SLC7A6: variants seen among roughly 807,000 people sequenced by gnomAD.
SLC7A6 encodes solute carrier family 7 member 6.
In SLC7A6, 29 loss-of-function variants were observed where a neutral mutation model predicts 46.6. The observed-to-expected ratio is 0.62, with a 90% CI of 0.46 to 0.85. The LOEUF is 0.85. Among genes scored for constraint, SLC7A6 ranks in the 40% least tolerant of loss-of-function variants. The pLI, the probability that SLC7A6 is intolerant of heterozygous loss-of-function variation, is 0.00. For missense variants in SLC7A6, 527 were observed against 647.6 expected (o/e 0.81, Z 2.02); for synonymous variants, 276 against 257.3 (o/e 1.07, Z -0.70).
chr16:68,287,221 A>G (rs993512414), intron 3 of SLC7A6: 45 of 842,644 alleles, frequency 5.3e-5, no homozygotes, highest in Non-Finnish European at 7.0e-5. Flanking sequence ...CACATGATCC[A>G]TCTGCCTCAG....
intron 2 of SLC7A6, among the ~76,000 whole-genome samples, chr16:68,268,875 C>T (rs868424534): frequency 6.6e-5 from 10 of 151,994 alleles, no homozygotes; most frequent in African/African-American, 9.7e-5. Flanking sequence ...GGTGTGGTGG[C>T]GCATGCCTGT....
intron 3 of SLC7A6, among the ~76,000 whole-genome samples, chr16:68,277,120 T>C (rs1033133697): frequency 7.9e-5 from 12 of 151,740 alleles, no homozygotes; most frequent in African/African-American, 2.9e-4. Context: ...AGAGTCTTGC[T>C]CTGTCACCCA....
In SLC7A6 at chr16:68,298,185, A is replaced by G. The variant is rs143991054; in HGVS notation, c.*857A>G. On this transcript the variant is annotated 3_prime_UTR_variant, in exon 11 of 11. Coordinates refer to ENST00000219343, the MANE Select transcript of SLC7A6 (RefSeq NM_003983.6). Reference sequence around the variant, plus strand: ...TCTGTTAATATTGCTGTTTTGAAGGACAATCCTTTATTTTACTTGAGACCT... The same window carrying G: ...TCTGTTAATATTGCTGTTTTGAAGGGCAATCCTTTATTTTACTTGAGACCT... The G allele has an allele frequency of 6.5e-6, 1 of 152,764 alleles. No individual in the cohort carries two copies. The highest frequency in any genetic ancestry group is 1.9e-4 in the East Asian group (1 of 5,190). 9.5% of individuals were successfully genotyped at this position (152,764 alleles called of 1,614,324 possible).
At chr16:68,271,796 G>C (rs2151214943) in intron 2 of SLC7A6, among the ~76,000 whole-genome samples, 1 of 151,070 alleles carries the variant, frequency 6.6e-6, no homozygotes, top group Non-Finnish European at 1.5e-5. Context: ...GATAACAATT[G>C]CATTTTTCTT....
intron 7 of SLC7A6, among the ~76,000 whole-genome samples, chr16:68,293,317 G>A (rs1279036199): frequency 5.9e-5 from 9 of 152,180 alleles, no homozygotes; most frequent in Admixed American, 6.5e-5. Context: ...CCAGCCGCTC[G>A]GGAGGGTGAG....
chr16:68,301,574 T>C lies in SLC7A6; in HGVS notation c.*4246T>C. ...CTTTTTTTTTTAAAGAAGGAATCAC[T>C]TTCCTATCATCTAAACCAAGTTCCT... On this transcript the variant is annotated 3_prime_UTR_variant, in exon 11 of 11. Transcript: ENST00000219343. The C allele has an allele frequency of 1.9e-6, 1 of 527,798 alleles. No individual in the cohort carries two copies. The highest frequency in any genetic ancestry group is 3.2e-6 in the Non-Finnish European group (1 of 314,956). The allele number at this position is 527,798 out of a possible 1,614,324, so 32.7% of individuals were successfully genotyped here. A position where few individuals can be genotyped will look rare whatever the true frequency, so the allele number is the denominator to read the frequency against.
chr16:68,280,094 T>C (rs1341223699), intron 3 of SLC7A6, among the ~76,000 whole-genome samples: 1 of 152,108 alleles, frequency 6.6e-6, no homozygotes, highest in East Asian at 1.9e-4. Context: ...ATATGCTGAG[T>C]CTCCTTGAGT....
At chr16:68,268,960 T>G (rs1392783107) in intron 2 of SLC7A6, among the ~76,000 whole-genome samples, 2 of 151,674 alleles carry the variant, frequency 1.3e-5, no homozygotes, top group Non-Finnish European at 2.9e-5. Context: ...TGAGCCAAGA[T>G]CGCGTCATTG....
chr16:68,280,583 CT>C (rs1476866396), intron 3 of SLC7A6, among the ~76,000 whole-genome samples: 10 of 90,692 alleles, frequency 1.1e-4, no homozygotes, highest in Admixed American at 9.8e-4. Flanking sequence ...GTCGTAGCTT[CT>C]TTAAAAAAAA....
chr16:68,276,409 T>C (rs4783552), intron 3 of SLC7A6, among the ~76,000 whole-genome samples: 104,736 of 152,186 alleles, frequency 0.69, 36,901 homozygotes, highest in African/African-American at 0.85. Flanking sequence ...TCCACATCTC[T>C]GCTTGCAAAA....
intron 3 of SLC7A6, chr16:68,287,545 G>T: frequency 6.9e-7 from 1 of 1,440,430 alleles, no homozygotes. Flanking sequence ...TTGAGCACCA[G>T]TAGTGATGGA....
At chr16:68,287,002 T>G (rs1036439779) in intron 3 of SLC7A6, among the ~76,000 whole-genome samples, 1 of 151,502 alleles carries the variant, frequency 6.6e-6, no homozygotes, top group Non-Finnish European at 1.5e-5. Flanking sequence ...CTTTTTTTTT[T>G]TTTTTTGAGA....
chr16:68,296,445 G>T lies in SLC7A6; in HGVS notation c.1201G>T (p.Val401Leu). Residue 401 changes from valine (V) to leucine (L), a missense_variant, in exon 9 of 11, where the codon GTG (valine) becomes TTG (leucine). By Grantham distance (32) the Val-to-Leu change is conservative (BLOSUM62 1). Transcript: ENST00000219343. ...CTTCAGCTTCAGCTACTGGTTCTTC[G>T]TGGGCCTGTCTGTTGTTGGACAGCT... Reference protein sequence around the residue: ...NYFSFSYWFFVGLSVVGQLYL... With the variant: ...NYFSFSYWFFLGLSVVGQLYL... 1 of 1,614,064 alleles carries T rather than the reference G, an allele frequency of 6.2e-7. No homozygotes were observed. The highest frequency in any genetic ancestry group is 8.5e-7 in the Non-Finnish European group (1 of 1,180,022).
intron 4 of SLC7A6, chr16:68,290,063 A>G (rs1675781322): frequency 8.7e-6 from 2 of 228,582 alleles, no homozygotes; most frequent in South Asian, 1.3e-4. Flanking sequence ...TGGAAGAAGT[A>G]TTGTCACATC....
chr16:68,275,596 CAAAAA>C (rs10578259), intron 3 of SLC7A6, among the ~76,000 whole-genome samples: 8 of 100,590 alleles, frequency 8.0e-5, no homozygotes, highest in Non-Finnish European at 1.2e-4. Context: ...ACTCTGTCTC[CAAAAA>C]AAAAAAAAAA....
chr16:68,269,886 T>C (rs1596966659), intron 2 of SLC7A6, among the ~76,000 whole-genome samples: 1 of 152,170 alleles, frequency 6.6e-6, no homozygotes, highest in East Asian at 1.9e-4. Context: ...CTCTTAGCTT[T>C]CTGAGTAAAT....
chr16:68,277,903 G>A (rs2042743255), intron 3 of SLC7A6, among the ~76,000 whole-genome samples: 1 of 151,484 alleles, frequency 6.6e-6, no homozygotes, highest in Non-Finnish European at 1.5e-5. Flanking sequence ...TGGGATTATA[G>A]GTGTGAGCCC....
rs369740235 is a variant in SLC7A6 at position 68,301,798 on chromosome 16, C to T, written c.*4470C>T. ...GATTCATTTCTCTGTTATCAGACAC[C>T]AATAAATTCTTTTTGTTGGGCCTTC... On this transcript the variant is annotated 3_prime_UTR_variant, in exon 11 of 11. Coordinates refer to ENST00000219343, the MANE Select transcript of SLC7A6 (RefSeq NM_003983.6). The T allele has an allele frequency of 1.2e-5, 2 of 161,136 alleles. No homozygotes were observed. Among genetic ancestry groups the T allele is most frequent in the African/African-American group, 4.8e-5 (2 of 41,670 alleles). 10.0% of individuals were successfully genotyped at this position (161,136 alleles called of 1,614,324 possible).
At chr16:68,281,839 G>C (rs1206700525) in intron 3 of SLC7A6, among the ~76,000 whole-genome samples, 1 of 152,176 alleles carries the variant, frequency 6.6e-6, no homozygotes, top group Non-Finnish European at 1.5e-5. Flanking sequence ...CACATCAATG[G>C]AAAGTATTTG....
Sources: allele counts gnomAD v4.1 joint callset (sites outside exome capture counted in the v4.1 genomes callset), GRCh38; gene constraint gnomAD v4.1.1; transcripts MANE v1.5; gene names NCBI Gene and HGNC (gene_info 2026-07-23, HGNC 2026-07-21).